The following ANO4 variants were observed in gnomAD, a reference collection of about 807,000 sequenced individuals.
ANO4 encodes the protein anoctamin 4, also known as anoctamin-4.
In ANO4, 69 loss-of-function variants were observed where a neutral mutation model predicts 141.9. The observed-to-expected ratio is 0.49, with a 90% confidence interval of 0.40 to 0.59. The LOEUF is 0.59. ANO4 is among the 20% of genes least tolerant of loss of function. ANO4 has a pLI of 0.00. For synonymous variants in ANO4, 350 were observed against 394.3 expected, an observed-to-expected ratio of 0.89 and a Z score of 1.33; for missense variants, 894 against 1,162.2, an observed-to-expected ratio of 0.77 and a Z score of 3.36.
chr12:101,044,351 A>T (rs2047538839), intron 13 of ANO4, among the ~76,000 whole-genome samples: 2 of 152,242 alleles, frequency 1.3e-5, no homozygotes, highest in Non-Finnish European at 2.9e-5. Context: ...TATTTCTATT[A>T]TGTGTTATTG....
At chr12:100,920,829 T>G (rs913700638) in intron 2 of ANO4, among the ~76,000 whole-genome samples, 1 of 152,180 alleles carries the variant, frequency 6.6e-6, no homozygotes, top group African/African-American at 2.4e-5. Flanking sequence ...GTTGCTTTAA[T>G]AAATTATTAT....
chr12:100,826,725 A>C (rs1044747883), intron 1 of ANO4, among the ~76,000 whole-genome samples: 2 of 151,668 alleles, frequency 1.3e-5, no homozygotes, highest in Admixed American at 6.6e-5. Context: ...GGAGATCTCC[A>C]AACTTAACCT....
At chr12:101,083,527 A>AT in intron 15 of ANO4, 151 bp from the exon 16 acceptor site, 3 of 871,724 alleles carry the variant, frequency 3.4e-6, no homozygotes, top group Non-Finnish European at 5.1e-6. Context: ...ATTTTCAAAC[A>AT]TTTAAGCCTG....
chr12:101,039,733 C>T (rs969293236), intron 10 of ANO4, among the ~76,000 whole-genome samples: 6 of 152,142 alleles, frequency 3.9e-5, no homozygotes, highest in Non-Finnish European at 5.9e-5. Flanking sequence ...CAGTTCAAAC[C>T]TTCCTGATTA....
chr12:100,760,206 G>A (rs910000882), intron 3 of ANO4, among the ~76,000 whole-genome samples: 14 of 152,200 alleles, frequency 9.2e-5, no homozygotes, highest in African/African-American at 1.7e-4. Flanking sequence ...TTGGAGTGAC[G>A]TTTAGGAGAG....
chr12:100,891,308 T>C (rs2040093718), intron 1 of ANO4, among the ~76,000 whole-genome samples: 1 of 152,206 alleles, frequency 6.6e-6, no homozygotes, highest in Non-Finnish European at 1.5e-5. Context: ...TGTGGGAACA[T>C]AAGTTTTCAT....
chr12:101,014,579 G>A (rs535187272), intron 8 of ANO4, among the ~76,000 whole-genome samples: 7 of 152,206 alleles, frequency 4.6e-5, no homozygotes, highest in African/African-American at 1.4e-4. Flanking sequence ...CTTCACAAAC[G>A]CAGGAGAAAA....
chr12:100,885,857 C>T (rs2653455), intron 1 of ANO4, among the ~76,000 whole-genome samples: 46,953 of 151,986 alleles, frequency 0.31, 7,453 homozygotes, highest in East Asian at 0.52. Flanking sequence ...TCCAGCTGGA[C>T]GCATTTCCAA....
At chr12:100,862,521 C>T (rs1289438623) in intron 1 of ANO4, among the ~76,000 whole-genome samples, 2 of 152,174 alleles carry the variant, frequency 1.3e-5, no homozygotes, top group African/African-American at 4.8e-5. Context: ...GGGATTTCGC[C>T]ATGTTGACCA....
Position 100,970,678 on chromosome 12 carries a change from C to G in ANO4, c.457-628C>G, listed in dbSNP as rs79009377. On this transcript the variant is annotated intron_variant, in intron 5 of 27. Transcript: ENST00000392977. ...CTCCCTCCCTCTCCTTCCTTCCTTC[C>G]TTCCTTCCTTCCTTCCTTCCTTCCT... Among the ~76,000 whole-genome samples, 572 of 71,248 alleles carry G rather than the reference C, an allele frequency of 8.0e-3. 18 individuals carry two copies. Among genetic ancestry groups the G allele is most frequent in the East Asian group, 0.018 (23 of 1,296 alleles). The allele number at this position is 71,248 out of a possible 152,430, so 46.7% of individuals were successfully genotyped here.
At chr12:100,994,585 G>A (rs1046580464) in intron 8 of ANO4, among the ~76,000 whole-genome samples, 2 of 152,042 alleles carry the variant, frequency 1.3e-5, no homozygotes, top group Non-Finnish European at 2.9e-5. Context: ...GTTCTCCCCT[G>A]CATTTTCTGT....
intron 1 of ANO4, among the ~76,000 whole-genome samples, chr12:100,890,148 T>A (rs1308702310): frequency 6.6e-6 from 1 of 152,198 alleles, no homozygotes; most frequent in East Asian, 1.9e-4. Flanking sequence ...ATACTTTTTT[T>A]AGCCCTTATT....
At chr12:101,017,519 A>G (rs2046359191) in intron 8 of ANO4, among the ~76,000 whole-genome samples, 1 of 151,280 alleles carries the variant, frequency 6.6e-6, no homozygotes, top group Admixed American at 6.7e-5. Flanking sequence ...ATTTGGAAAC[A>G]AATGAATAAA....
upstream of ANO4, among the ~76,000 whole-genome samples, chr12:100,790,143 C>G (rs1980120): frequency 0.73 from 111,359 of 151,998 alleles, 41,098 homozygotes; most frequent in East Asian, 0.94. Context: ...AGAATACACT[C>G]TCTGTGGGGA....
chr12:100,761,282 G>A (rs1238283193), intron 3 of ANO4, among the ~76,000 whole-genome samples: 1 of 152,170 alleles, frequency 6.6e-6, no homozygotes, highest in Non-Finnish European at 1.5e-5. Flanking sequence ...GTGATTTCCA[G>A]TGGATCCTTA....
chr12:100,846,598 G>A (rs1268063432), intron 1 of ANO4, among the ~76,000 whole-genome samples: 2 of 151,976 alleles, frequency 1.3e-5, no homozygotes, highest in African/African-American at 4.8e-5. Context: ...GCTCTGACTT[G>A]GTGACCTTGG....
intron 14 of ANO4, among the ~76,000 whole-genome samples, chr12:101,053,373 T>C (rs1160516350): frequency 1.3e-5 from 2 of 152,180 alleles, no homozygotes; most frequent in Middle Eastern, 3.2e-3. Flanking sequence ...TGTGTATTAG[T>C]TTCCTAGGAC....
intron 24 of ANO4, among the ~76,000 whole-genome samples, chr12:101,113,410 C>G (rs2050736722): frequency 6.6e-6 from 1 of 152,198 alleles, no homozygotes; most frequent in Non-Finnish European, 1.5e-5. Flanking sequence ...AAGTGTATCT[C>G]ATAGCCTCCT....
chr12:100,896,278 C>T (rs2040348724), intron 1 of ANO4, among the ~76,000 whole-genome samples: 1 of 152,146 alleles, frequency 6.6e-6, no homozygotes, highest in Non-Finnish European at 1.5e-5. Flanking sequence ...AATGTCACAA[C>T]CAGCGTCCTT....
Sources: allele counts gnomAD v4.1 joint callset (sites outside exome capture counted in the v4.1 genomes callset), GRCh38; gene constraint gnomAD v4.1.1; transcripts MANE v1.5; gene names NCBI Gene and HGNC (gene_info 2026-07-23, HGNC 2026-07-21).